The following FER1L6 variants were observed in gnomAD, a reference collection of about 807,000 sequenced individuals.
The protein encoded by FER1L6 is fer-1 like family member 6.
In FER1L6, 177 loss-of-function variants were observed where a neutral mutation model predicts 219.2. The observed-to-expected ratio is 0.81, with a 90% CI of 0.71 to 0.91. The LOEUF (loss-of-function observed/expected upper bound fraction) is 0.91, where lower values mean the gene tolerates loss of function less well. FER1L6 is among the 40% of genes least tolerant of loss of function. The pLI, the probability that FER1L6 is intolerant of heterozygous loss-of-function variation, is 0.00. For missense variants in FER1L6, 2,153 were observed against 2,259.9 expected (o/e 0.95, Z 0.96); for synonymous variants, 768 against 824.3 (o/e 0.93, Z 1.17).
chr8:123,859,809 T>G (rs1467917434), intron 1 of FER1L6, among the ~76,000 whole-genome samples: 4 of 142,270 alleles, frequency 2.8e-5, no homozygotes, highest in Non-Finnish European at 6.1e-5. Context: ...GGTGTTTGGT[T>G]TTTTGTTCTT....
intron 10 of FER1L6, among the ~76,000 whole-genome samples, chr8:123,979,264 T>A (rs1008265626): frequency 3.3e-5 from 5 of 152,198 alleles, no homozygotes; most frequent in African/African-American, 1.2e-4. Flanking sequence ...CGTGAAGCAC[T>A]CAATTGATAG....
intron 12 of FER1L6, among the ~76,000 whole-genome samples, chr8:124,002,321 G>C (rs1817448512): frequency 6.6e-6 from 1 of 152,218 alleles, no homozygotes; most frequent in Non-Finnish European, 1.5e-5. Context: ...CAGGGAGACA[G>C]AGTAGTGACA....
chr8:124,106,908 A>C (rs1291279614), intron 39 of FER1L6, among the ~76,000 whole-genome samples: 2 of 151,474 alleles, frequency 1.3e-5, no homozygotes, highest in Non-Finnish European at 2.9e-5. Flanking sequence ...TTCAAGAATA[A>C]TTAATTGACC....
intron 19 of FER1L6, among the ~76,000 whole-genome samples, chr8:124,035,858 T>C: frequency 6.6e-6 from 1 of 152,230 alleles, no homozygotes; most frequent in Admixed American, 6.5e-5. Flanking sequence ...ACAGCAGATA[T>C]TCACATTTCC....
intron 33 of FER1L6, among the ~76,000 whole-genome samples, chr8:124,085,668 T>C (rs919832326): frequency 5.3e-5 from 8 of 152,204 alleles, no homozygotes; most frequent in Non-Finnish European, 1.0e-4. Context: ...GAATGTTCCA[T>C]GTGCTAAGGA....
intron 1 of FER1L6, among the ~76,000 whole-genome samples, chr8:123,881,876 T>C (rs1002305677): frequency 1.3e-5 from 2 of 152,194 alleles, no homozygotes; most frequent in Non-Finnish European, 2.9e-5. Flanking sequence ...ATTGAGCATA[T>C]TCATGGAGCT....
chr8:123,865,060 T>G (rs1024130631), intron 1 of FER1L6, among the ~76,000 whole-genome samples: 1 of 151,014 alleles, frequency 6.6e-6, no homozygotes, highest in Non-Finnish European at 1.5e-5. Flanking sequence ...AGGTGCTCTG[T>G]GTTTTAGAGT....
Position 124,076,335 on chromosome 8 carries a change from C to T in FER1L6, c.4220+10C>T, listed in dbSNP as rs1307401383. 1 of 1,611,796 alleles carries T rather than the reference C, an allele frequency of 6.2e-7. No individual in the cohort carries two copies. The highest frequency in any genetic ancestry group is 1.1e-5 in the South Asian group (1 of 90,988). The stretch of plus-strand genomic sequence containing the variant: ...ACCCAGTATTTGGAAGGTCAGTGGC[C>T]ATCTGGGCTGTGTTTTATTGTCCTT... On this transcript the variant is annotated intron_variant, in intron 32 of 40. Coordinates refer to ENST00000522917, the MANE Select transcript of FER1L6 (RefSeq NM_001039112.2).
intron 1 of FER1L6, among the ~76,000 whole-genome samples, chr8:123,884,917 A>C (rs142538534): frequency 1.6e-4 from 25 of 152,310 alleles, no homozygotes; most frequent in African/African-American, 6.0e-4. Context: ...AAATAGAATC[A>C]TTGCAGATGC....
At chr8:123,857,982 C>T (rs1324971036) in intron 1 of FER1L6, among the ~76,000 whole-genome samples, 1 of 152,200 alleles carries the variant, frequency 6.6e-6, no homozygotes, top group Non-Finnish European at 1.5e-5. Context: ...GTCAGGTTCC[C>T]CTTCCTGCAG....
At chr8:124,072,760 G>C (rs982953209) in intron 31 of FER1L6, among the ~76,000 whole-genome samples, 3 of 152,156 alleles carry the variant, frequency 2.0e-5, no homozygotes, top group African/African-American at 7.2e-5. Context: ...GAAGAACTTA[G>C]AGTCACTGAC....
chr8:123,957,744 C>T (rs1038589368), intron 2 of FER1L6, among the ~76,000 whole-genome samples: 1 of 152,104 alleles, frequency 6.6e-6, no homozygotes, highest in Non-Finnish European at 1.5e-5. Context: ...CTAGGGCAGT[C>T]GACCACAGGC....
intron 1 of FER1L6, among the ~76,000 whole-genome samples, chr8:123,885,984 C>T (rs1295809433): frequency 6.6e-6 from 1 of 152,194 alleles, no homozygotes; most frequent in African/African-American, 2.4e-5. Context: ...GTTCCTCTGC[C>T]TCAGAGGCTC....
At chr8:124,025,678 G>T (rs1352333600) in intron 18 of FER1L6, among the ~76,000 whole-genome samples, 1 of 152,100 alleles carries the variant, frequency 6.6e-6, no homozygotes, top group East Asian at 1.9e-4. Flanking sequence ...GGCTCCATAT[G>T]AATTTTAGGA....
chr8:123,934,329 A>G (rs1813899184), intron 1 of FER1L6, among the ~76,000 whole-genome samples: 1 of 152,190 alleles, frequency 6.6e-6, no homozygotes, highest in African/African-American at 2.4e-5. Flanking sequence ...TCTTTGGTCC[A>G]GGATCCAAAC....
At chr8:124,105,705 T>G (rs1175922440) in intron 39 of FER1L6, among the ~76,000 whole-genome samples, 1 of 152,172 alleles carries the variant, frequency 6.6e-6, no homozygotes. Flanking sequence ...GCATTGTGAA[T>G]GTCCATAGCA....
At chr8:124,003,133 C>A in intron 12 of FER1L6, 34 bp from the exon 13 acceptor site, 1 of 1,594,378 alleles carries the variant, frequency 6.3e-7, no homozygotes, top group Non-Finnish European at 8.6e-7. Context: ...ATTACCACCA[C>A]CTGACCCCTT....
chr8:124,114,820 G>A (rs1563808733), intron 39 of FER1L6, among the ~76,000 whole-genome samples: 2 of 146,560 alleles, frequency 1.4e-5, no homozygotes, highest in Admixed American at 1.4e-4. Flanking sequence ...ATATATGTAT[G>A]TACATGCATG....
intron 1 of FER1L6, among the ~76,000 whole-genome samples, chr8:123,921,771 C>G (rs1177270004): frequency 6.6e-6 from 1 of 151,970 alleles, no homozygotes; most frequent in African/African-American, 2.4e-5. Flanking sequence ...GTCAGGGCAC[C>G]ACAGGGCGGC....
Sources: gnomAD v4.1 joint callset for allele counts (sites outside exome capture counted in the v4.1 genomes callset) on GRCh38, gnomAD v4.1.1 for gene constraint, MANE v1.5 for transcripts, NCBI Gene and HGNC (gene_info 2026-07-23, HGNC 2026-07-21) for gene names.